The following MYO1H variants were observed in gnomAD, a reference collection of about 807,000 sequenced individuals.
MYO1H encodes the protein unconventional myosin-Ih.
A neutral mutation model predicts 149.3 loss-of-function variants in MYO1H; 118 were observed. The ratio of observed to expected loss-of-function variants is 0.79; its 90% CI spans 0.68 to 0.92. The LOEUF (loss-of-function observed/expected upper bound fraction) is 0.92, where lower values mean the gene tolerates loss of function less well. Among genes scored for constraint, MYO1H ranks in the 40% least tolerant of loss-of-function variants. The probability of loss-of-function intolerance (pLI) is 0.00; values close to 1 mark genes in which losing one functional copy is unlikely to be tolerated. For synonymous variants in MYO1H, 447 were observed against 465.2 expected (o/e 0.96, Z 0.50); for missense variants, 1,212 against 1,280.7 (o/e 0.95, Z 0.82).
At chr12:109,381,100 G>T (rs1005433676) in intron 1 of MYO1H, among the ~76,000 whole-genome samples, 2 of 152,170 alleles carry the variant, frequency 1.3e-5, no homozygotes, top group Admixed American at 1.3e-4. Context: ...CACTCCTAGG[G>T]TATGAACGTG....
intron 1 of MYO1H, among the ~76,000 whole-genome samples, chr12:109,369,561 T>A (rs907098587): frequency 1.3e-5 from 2 of 152,148 alleles, no homozygotes; most frequent in African/African-American, 2.4e-5. Flanking sequence ...AATCTCTCTC[T>A]CACACACACC....
At chr12:109,425,891 G>A in intron 17 of MYO1H, 55 bp from the exon 18 acceptor site, 1 of 1,276,278 alleles carries the variant, frequency 7.8e-7, no homozygotes. Context: ...GTATTCGTTG[G>A]AAGCAGCAGT....
chr12:109,318,976 T>TTGTTTG, the MYO1H span, among the ~76,000 whole-genome samples: 2 of 135,922 alleles, frequency 1.5e-5, no homozygotes, highest in Admixed American at 7.1e-5. Context: ...GGTTTTGTTT[T>TTGTTTG]TTTTTTTTTT....
the MYO1H span, among the ~76,000 whole-genome samples, chr12:109,328,813 G>C: frequency 6.6e-6 from 1 of 152,134 alleles, no homozygotes; most frequent in East Asian, 1.9e-4. Context: ...AATTGTATAT[G>C]TTTAAGGTGT....
chr12:109,338,910 T>C, the MYO1H span, among the ~76,000 whole-genome samples: 1 of 152,176 alleles, frequency 6.6e-6, no homozygotes, highest in African/African-American at 2.4e-5. Context: ...GATAAAGTCT[T>C]GTCCTTTTGC....
At chr12:109,442,403 T>C in intron 27 of MYO1H, 131 bp downstream of exon 27, 1 of 704,294 alleles carries the variant, frequency 1.4e-6, no homozygotes, top group Non-Finnish European at 2.5e-6. Flanking sequence ...CTCTCAACTG[T>C]GATGCTTTGG....
chr12:109,421,539 G>A (rs1871174036), intron 16 of MYO1H, among the ~76,000 whole-genome samples: 2 of 152,160 alleles, frequency 1.3e-5, no homozygotes, highest in African/African-American at 4.8e-5. Context: ...ACCAGTATGT[G>A]CAAAGGTCCT....
At position 109,446,053 on chromosome 12, in the gene MYO1H, A is replaced by G. The variant is rs140446843; in HGVS notation, c.3093+441A>G. 669 of 985,224 alleles carry G rather than the reference A, an allele frequency of 6.8e-4. 9 individuals are homozygous for G. The highest frequency in any genetic ancestry group is 1.2e-4 in the Non-Finnish European group (100 of 829,734). 61.0% of individuals were successfully genotyped at this position (985,224 alleles called of 1,614,324 possible). ...GCAAGAAAATATAAACGTAAGAAAA[A>G]TATGTAAGAAAGAAATGTGTAAAAA... On this transcript the variant is annotated intron_variant, in intron 31 of 31. Coordinates refer to ENST00000310903, the Ensembl canonical transcript of MYO1H.
chr12:109,338,114 G>T, the MYO1H span, among the ~76,000 whole-genome samples: 2 of 152,212 alleles, frequency 1.3e-5, no homozygotes, highest in African/African-American at 2.4e-5. Context: ...TGTTGCCCAG[G>T]CTGGAGTGTG....
the MYO1H span, among the ~76,000 whole-genome samples, chr12:109,332,505 A>AG: frequency 9.9e-5 from 15 of 152,236 alleles, no homozygotes; most frequent in Non-Finnish European, 1.9e-4. Context: ...CCACAGACCA[A>AG]GTGCCCTTGT....
chr12:109,369,761 T>G (rs2137013930), intron 1 of MYO1H, among the ~76,000 whole-genome samples: 1 of 152,354 alleles, frequency 6.6e-6, no homozygotes, highest in African/African-American at 2.4e-5. Context: ...TGTAATTCAC[T>G]TCTCCATGAC....
upstream of MYO1H, among the ~76,000 whole-genome samples, chr12:109,347,206 G>A (rs966882408): frequency 6.6e-6 from 1 of 152,148 alleles, no homozygotes; most frequent in Non-Finnish European, 1.5e-5. Context: ...GGGGCCCAAG[G>A]CATACAATGT....
intron 26 of MYO1H, among the ~76,000 whole-genome samples, chr12:109,441,920 A>C (rs1872148197): frequency 6.6e-6 from 1 of 152,102 alleles, no homozygotes; most frequent in Non-Finnish European, 1.5e-5. Flanking sequence ...GGTGGTGTCC[A>C]CCTGTAGTCC....
chr12:109,387,015 TGTGTGTGTGTGTGTGTGTGTG>T (rs1869355588), intron 1 of MYO1H, among the ~76,000 whole-genome samples: 1 of 147,460 alleles, frequency 6.8e-6, no homozygotes, highest in African/African-American at 2.6e-5. Flanking sequence ...TGTGTGTGTG[TGTGTGTGTGTGTGTGTGTGTG>T]TGTGTAGTGT....
chr12:109,375,336 A>G (rs1358146789), intron 1 of MYO1H, among the ~76,000 whole-genome samples: 4 of 151,952 alleles, frequency 2.6e-5, no homozygotes, highest in Non-Finnish European at 5.9e-5. Context: ...TATTTTTTGT[A>G]GAGATGGGGT....
chr12:109,318,084 T>C, the MYO1H span, among the ~76,000 whole-genome samples: 2 of 152,194 alleles, frequency 1.3e-5, no homozygotes, highest in African/African-American at 4.8e-5. Context: ...ATATAGTTGT[T>C]GGTACATAGC....
intron 9 of MYO1H, among the ~76,000 whole-genome samples, 185 bp from the exon 10 acceptor site, chr12:109,407,600 CAAAAAAAAA>C (rs776897477): frequency 2.9e-5 from 2 of 68,432 alleles, no homozygotes; most frequent in African/African-American, 3.9e-5. Flanking sequence ...CACATTTCTA[CAAAAAAAAA>C]AAAAAAAAAA....
At chr12:109,397,119 A>G (rs1316148511) in intron 4 of MYO1H, among the ~76,000 whole-genome samples, 1 of 151,936 alleles carries the variant, frequency 6.6e-6, no homozygotes, top group Non-Finnish European at 1.5e-5. Context: ...GTGAGCCACC[A>G]CACCCAGCCT....
intron 1 of MYO1H, among the ~76,000 whole-genome samples, chr12:109,380,621 T>C (rs1869185668): frequency 6.6e-6 from 1 of 152,278 alleles, no homozygotes; most frequent in African/African-American, 2.4e-5. Context: ...TGAACTAGAA[T>C]TTTTGGATGG....
Sources: gnomAD v4.1 joint callset for allele counts (sites outside exome capture counted in the v4.1 genomes callset) on GRCh38, gnomAD v4.1.1 for gene constraint, MANE v1.5 for transcripts, NCBI Gene and HGNC (gene_info 2026-07-23, HGNC 2026-07-21) for gene names.